GRHL2: variants seen among roughly 807,000 people sequenced by gnomAD.
GRHL2 encodes the protein grainyhead like transcription factor 2, also known as grainyhead-like protein 2 homolog.
A neutral mutation model predicts 83.8 loss-of-function variants in GRHL2; 21 were observed. The observed-to-expected ratio is 0.25, with a 90% CI of 0.18 to 0.36. The LOEUF is 0.36. Among genes scored for constraint, GRHL2 ranks in the 10% least tolerant of loss-of-function variants. GRHL2 has a pLI of 1.00. For missense variants in GRHL2, 623 were observed against 781.8 expected, an observed-to-expected ratio of 0.80 and a Z score of 2.42; for synonymous variants, 280 against 278.9, an observed-to-expected ratio of 1.00 and a Z score of -0.04.
chr8:101,563,435 G>A (rs1811648844), intron 4 of GRHL2, among the ~76,000 whole-genome samples: 1 of 152,008 alleles, frequency 6.6e-6, no homozygotes, highest in Admixed American at 6.6e-5. Flanking sequence ...CAAAGTTGCA[G>A]AGAGCAACTG....
intron 1 of GRHL2, among the ~76,000 whole-genome samples, chr8:101,494,861 GCA>G (rs1810062673): frequency 4.6e-5 from 7 of 152,308 alleles, no homozygotes; most frequent in Admixed American, 4.6e-4. Flanking sequence ...ACATATGCTT[GCA>G]TTTAATGAAC....
At chr8:101,561,259 C>T (rs1811603853) in intron 4 of GRHL2, among the ~76,000 whole-genome samples, 1 of 151,758 alleles carries the variant, frequency 6.6e-6, no homozygotes, top group South Asian at 2.1e-4. Context: ...AAAAGAAAAC[C>T]ACATAATAAC....
intron 4 of GRHL2, among the ~76,000 whole-genome samples, chr8:101,566,197 T>G (rs969194969): frequency 6.6e-6 from 1 of 152,250 alleles, no homozygotes; most frequent in Non-Finnish European, 1.5e-5. Flanking sequence ...GTCACTTTGT[T>G]AATGTGTTTT....
chr8:101,610,727 C>T (rs1011503464), intron 8 of GRHL2, among the ~76,000 whole-genome samples: 1 of 150,882 alleles, frequency 6.6e-6, no homozygotes, highest in African/African-American at 2.5e-5. Flanking sequence ...AGGGTTTGCA[C>T]CAGGCACACC....
rs1470076809 is a variant in GRHL2, at chr8:101,558,492, G to A, written c.358G>A (p.Val120Ile). 1 of 1,614,164 alleles carries A rather than the reference G, an allele frequency of 6.2e-7. No individual in the cohort carries two copies. Among genetic ancestry groups the A allele is most frequent in the East Asian group, 2.2e-5 (1 of 44,884 alleles). ...GENRVQVLKT[V>I]PVNLSLNQDH... ...AAACCGAGTGCAAGTCCTAAAGACT[G>A]TTCCAGTGAACCTTTCCCTAAATCA... is the stretch of plus-strand genomic sequence containing the variant. The change falls in exon 4 of 16, where the codon GTT becomes ATT. Residue 120 changes from valine (V) to isoleucine (I), a missense_variant. By Grantham distance (29) the Val-to-Ile change is conservative. Around this residue, in one of 8 missense-constraint regions of GRHL2, gnomAD observed 239 missense variants for 240.5 expected, o/e 0.99. Coordinates refer to ENST00000646743, the MANE Select transcript of GRHL2 (RefSeq NM_024915.4).
At chr8:101,587,549 G>A (rs765086300) in intron 7 of GRHL2, among the ~76,000 whole-genome samples, 16 of 151,998 alleles carry the variant, frequency 1.1e-4, no homozygotes, top group African/African-American at 2.2e-4. Context: ...TCCCCTAACC[G>A]GTGGGACTTT....
At chr8:101,507,943 C>T (rs144944225) in intron 1 of GRHL2, among the ~76,000 whole-genome samples, 370 of 151,986 alleles carry the variant, frequency 2.4e-3, no homozygotes, top group African/African-American at 8.7e-3. Context: ...CCACCATGCC[C>T]AGCTAATTTT....
intron 14 of GRHL2, among the ~76,000 whole-genome samples, chr8:101,662,927 G>C (rs1813954714): frequency 1.3e-5 from 2 of 151,266 alleles, no homozygotes; most frequent in Non-Finnish European, 1.5e-5. Flanking sequence ...TTTGCAACTT[G>C]GTATTTTCTC....
At chr8:101,551,901 T>A (rs940438033) in intron 2 of GRHL2, among the ~76,000 whole-genome samples, 3 of 151,276 alleles carry the variant, frequency 2.0e-5, no homozygotes, top group Non-Finnish European at 4.4e-5. Context: ...AGTGGCGCGA[T>A]CTCGGCTCAC....
chr8:101,670,423 G>A (rs2129799316), downstream of GRHL2, among the ~76,000 whole-genome samples: 1 of 152,330 alleles, frequency 6.6e-6, no homozygotes, highest in East Asian at 1.9e-4. Flanking sequence ...CCTTCAGGAA[G>A]CCTCCCTTGA....
chr8:101,509,804 T>C (rs654683), intron 1 of GRHL2, among the ~76,000 whole-genome samples: 102,561 of 151,936 alleles, frequency 0.68, 36,824 homozygotes, highest in Non-Finnish European at 0.81. Flanking sequence ...TTTCATGTGA[T>C]CCAAGCTATA....
At chr8:101,629,225 G>C (rs898487327) in intron 9 of GRHL2, among the ~76,000 whole-genome samples, 3 of 151,666 alleles carry the variant, frequency 2.0e-5, no homozygotes, top group Non-Finnish European at 2.9e-5. Flanking sequence ...CCCTCACCCT[G>C]ATCAGTCAGC....
chr8:101,650,804 A>ATATCTATCTATC (rs59979330), intron 14 of GRHL2, among the ~76,000 whole-genome samples: 11,702 of 145,926 alleles, frequency 0.08, 492 homozygotes, highest in Middle Eastern at 0.12. Context: ...GTGAATTGTG[A>ATATCTATCTATC]TATCTATCTA....
At position 101,666,915 on chromosome 8, in the gene GRHL2, C is replaced by T. The variant is rs1185608226; in HGVS notation, c.*212C>T. 3.2e-6 allele frequency: 2 copies of T among 620,228 alleles called. No individual in the cohort carries two copies. Among genetic ancestry groups the T allele is most frequent in the Non-Finnish European group, 2.9e-6 (1 of 346,196 alleles). 38.4% of individuals were successfully genotyped at this position (620,228 alleles called of 1,614,324 possible). A position where few individuals can be genotyped will look rare whatever the true frequency, so the allele number is the denominator to read the frequency against. On this transcript the variant is annotated 3_prime_UTR_variant, in exon 16 of 16. Transcript: ENST00000646743. ...CTACCACGGAGCTGAAGCCTGAGCC[C>T]CTCAGGAAGGTGCCTTAGGCCTGTT...
chr8:101,674,949 G>A, the GRHL2 span, among the ~76,000 whole-genome samples: 6 of 152,192 alleles, frequency 3.9e-5, no homozygotes, highest in South Asian at 1.0e-3. Flanking sequence ...CAGAACCAAG[G>A]ACAAAAACCA....
intron 4 of GRHL2, among the ~76,000 whole-genome samples, chr8:101,565,322 CATA>C (rs1811694135): frequency 2.0e-5 from 3 of 152,054 alleles, no homozygotes; most frequent in Admixed American, 6.5e-5. Flanking sequence ...GATATATAAT[CATA>C]ATAAATCAAA....
At chr8:101,611,071 G>C (rs766621001) in intron 8 of GRHL2, among the ~76,000 whole-genome samples, 1 of 150,838 alleles carries the variant, frequency 6.6e-6, no homozygotes, top group Non-Finnish European at 1.5e-5. Flanking sequence ...TCCTTGGTCA[G>C]GTCACAATGC....
intron 1 of GRHL2, among the ~76,000 whole-genome samples, chr8:101,542,097 A>G (rs1811165593): frequency 6.6e-6 from 1 of 152,192 alleles, no homozygotes; most frequent in Non-Finnish European, 1.5e-5. Context: ...TGCCTTTTAC[A>G]TTGAGACATG....
At chr8:101,571,287 A>T (rs576217303) in intron 5 of GRHL2, among the ~76,000 whole-genome samples, 1 of 152,284 alleles carries the variant, frequency 6.6e-6, no homozygotes, top group South Asian at 2.1e-4. Context: ...TTTCTAAGGA[A>T]AGAAGGAAGA....
Sources: gnomAD v4.1 joint callset for allele counts (sites outside exome capture counted in the v4.1 genomes callset) on GRCh38, gnomAD v4.1.1 for gene constraint, gnomAD v4.1.1 regional missense constraint, MANE v1.5 for transcripts, NCBI Gene and HGNC (gene_info 2026-07-23, HGNC 2026-07-21) for gene names.